The following TMEM26 variants were observed in gnomAD, a reference collection of about 807,000 sequenced individuals.
TMEM26 encodes the protein transmembrane protein 26.
Under a neutral mutation model 28.8 loss-of-function variants are expected in TMEM26, and 38 were observed. That is an observed-to-expected ratio of 1.32 (90% CI 1.02 to 1.73). TMEM26 has a LOEUF of 1.73. TMEM26 is among the 40% of genes most tolerant of loss of function. The probability of loss-of-function intolerance (pLI) is 0.00; values close to 1 mark genes in which losing one functional copy is unlikely to be tolerated. For missense variants in TMEM26, 518 were observed against 447.1 expected, an observed-to-expected ratio of 1.16 and a Z score of -1.43; for synonymous variants, 227 against 182.9, an observed-to-expected ratio of 1.24 and a Z score of -1.95.
At chr10:61,410,858 G>T in intron 5 of TMEM26, 112 bp from the exon 6 acceptor site, 1 of 1,077,080 alleles carries the variant, frequency 9.3e-7, no homozygotes, top group Non-Finnish European at 1.3e-6. Flanking sequence ...ATAATTCTGT[G>T]ATTTAATTAC....
rs1366227642 is a variant in TMEM26, at chr10:61,408,035, G to A, written c.*2287C>T. The A allele has an allele frequency of 6.6e-6, 1 of 152,092 alleles. No homozygotes were observed. The highest frequency in any genetic ancestry group is 1.5e-5 in the Non-Finnish European group (1 of 68,010). 9.4% of individuals were successfully genotyped at this position (152,092 alleles called of 1,614,324 possible). A position where few individuals can be genotyped will look rare whatever the true frequency, so the allele number is the denominator to read the frequency against. On this transcript the variant is annotated 3_prime_UTR_variant, in exon 6 of 6. Coordinates refer to ENST00000399298, the MANE Select transcript of TMEM26 (RefSeq NM_178505.8). ...TAGGAATGGCTAATATATAACCTAG[G>A]TTTAGAGCTTTTATTCAAATAAACT...
intron 4 of TMEM26, chr10:61,414,941 T>G (rs1839626592): frequency 4.1e-6 from 4 of 973,452 alleles, no homozygotes; most frequent in South Asian, 4.7e-5. Flanking sequence ...GTGTGAATAC[T>G]GTTAGGTGGA....
intron 5 of TMEM26, chr10:61,413,085 T>C (rs1352851848): frequency 6.5e-6 from 4 of 614,746 alleles, no homozygotes; most frequent in Non-Finnish European, 9.5e-6. Context: ...TGTATATTAC[T>C]GAGTCATGAC....
rs113773220 is a variant in TMEM26 at position 61,418,072 on chromosome 10, AT to A, written c.606-4538del. On this transcript the variant is annotated intron_variant, in intron 4 of 5. Transcript: ENST00000399298. ...TCATTCCCCTATCCCCAGCTTGGCT[AT>A]TTTTTTTTAATTGTACTGAATGAAG... Among the ~76,000 whole-genome samples, 1,382 of 151,102 alleles carry A rather than the reference AT, an allele frequency of 9.1e-3. 25 individuals carry two copies. Among genetic ancestry groups the A allele is most frequent in the African/African-American group, 0.031 (1,292 of 41,256 alleles).
intron 4 of TMEM26, chr10:61,413,982 A>G (rs1207558977): frequency 1.0e-6 from 1 of 986,898 alleles, no homozygotes; most frequent in African/African-American, 1.7e-5. Flanking sequence ...AAGATTAAAA[A>G]CTCAACATTG....
At chr10:61,447,973 C>T (rs1340767292) in intron 1 of TMEM26, among the ~76,000 whole-genome samples, 3 of 152,252 alleles carry the variant, frequency 2.0e-5, no homozygotes, top group Non-Finnish European at 4.4e-5. Flanking sequence ...ATTTTCTAAG[C>T]CCCTTGACTA....
At chr10:61,432,816 G>T (rs1839944213) in intron 2 of TMEM26, among the ~76,000 whole-genome samples, 1 of 151,968 alleles carries the variant, frequency 6.6e-6, no homozygotes, top group Non-Finnish European at 1.5e-5. Context: ...GAAATGACAA[G>T]AATAATTAAG....
chr10:61,430,591 T>C (rs551114068), intron 3 of TMEM26, among the ~76,000 whole-genome samples: 79 of 150,206 alleles, frequency 5.3e-4, no homozygotes, highest in Non-Finnish European at 5.6e-4. Flanking sequence ...AAAAACCTCC[T>C]GAAACTAGTA....
intron 4 of TMEM26, among the ~76,000 whole-genome samples, chr10:61,417,934 C>T (rs1257599398): frequency 2.0e-5 from 3 of 151,956 alleles, no homozygotes; most frequent in Non-Finnish European, 2.9e-5. Context: ...ACGATCAGGG[C>T]TCTGAAAATC....
intron 5 of TMEM26, among the ~76,000 whole-genome samples, chr10:61,411,789 T>C (rs192585525): frequency 1.3e-5 from 2 of 152,344 alleles, no homozygotes; most frequent in African/African-American, 4.8e-5. Flanking sequence ...TAATGAAGCC[T>C]TCCATTTGGA....
At chr10:61,433,883 A>T (rs1839961115) in intron 2 of TMEM26, among the ~76,000 whole-genome samples, 1 of 152,172 alleles carries the variant, frequency 6.6e-6, no homozygotes, top group South Asian at 2.1e-4. Flanking sequence ...ATTACTGTGT[A>T]TTCACCGTAT....
intron 4 of TMEM26, among the ~76,000 whole-genome samples, chr10:61,423,095 T>C (rs912149134): frequency 1.3e-5 from 2 of 151,966 alleles, no homozygotes; most frequent in Non-Finnish European, 2.9e-5. Context: ...ATCTACAACA[T>C]AGATAAAATA....
chr10:61,441,250 G>T (rs185449475), intron 1 of TMEM26, among the ~76,000 whole-genome samples: 75 of 152,170 alleles, frequency 4.9e-4, no homozygotes, highest in Admixed American at 2.2e-3. Flanking sequence ...TTGATTTACA[G>T]TTTCTACTTT....
intron 4 of TMEM26, among the ~76,000 whole-genome samples, chr10:61,423,431 C>T (rs1446929496): frequency 6.6e-6 from 1 of 152,102 alleles, no homozygotes; most frequent in Non-Finnish European, 1.5e-5. Flanking sequence ...TGTTAGCAAG[C>T]TGAATCCAAT....
intron 4 of TMEM26, among the ~76,000 whole-genome samples, chr10:61,423,487 T>C (rs1839780675): frequency 6.6e-6 from 1 of 152,236 alleles, no homozygotes; most frequent in Non-Finnish European, 1.5e-5. Context: ...CTCACATCTA[T>C]AATCCTATCA....
At chr10:61,413,672 G>GA (rs1286767782) in intron 4 of TMEM26, 137 bp from the exon 5 acceptor site, 46 of 1,324,284 alleles carry the variant, frequency 3.5e-5, no homozygotes, top group Non-Finnish European at 4.1e-5. Flanking sequence ...ATAAATCAAT[G>GA]AAAAAAATCC....
rs552883764 is a variant in TMEM26 at position 61,420,079 on chromosome 10, C to T, written c.606-6544G>A. On this transcript the variant is annotated intron_variant, in intron 4 of 5. Transcript: ENST00000399298. ...CCAAAACTTAACTACTAATAGTGTACTGCTGACTGGAAGTCGTATCAATAA... is the reference window on the plus strand; with the variant it reads ...CCAAAACTTAACTACTAATAGTGTATTGCTGACTGGAAGTCGTATCAATAA... Among the ~76,000 whole-genome samples the T allele has an allele frequency of 6.6e-5, 10 of 152,244 alleles. No individual in the cohort carries two copies. The South Asian group carries it at 2.1e-3, about 32-fold the overall frequency.
chr10:61,412,410 A>T (rs12257343), intron 5 of TMEM26, among the ~76,000 whole-genome samples: 17,285 of 152,148 alleles, frequency 0.11, 1,897 homozygotes, highest in African/African-American at 0.28. Flanking sequence ...CAGACCTCTG[A>T]GCCTACAAAA....
chr10:61,415,829 G>A (rs540297752), intron 4 of TMEM26, among the ~76,000 whole-genome samples: 73 of 152,158 alleles, frequency 4.8e-4, no homozygotes, highest in African/African-American at 1.7e-3. Flanking sequence ...GAACTAGAGT[G>A]CTAAAGCATT....
Sources: gnomAD v4.1 joint callset for allele counts (sites outside exome capture counted in the v4.1 genomes callset) on GRCh38, gnomAD v4.1.1 for gene constraint, MANE v1.5 for transcripts, NCBI Gene and HGNC (gene_info 2026-07-23, HGNC 2026-07-21) for gene names.